The following P2RY6 variants were observed in gnomAD, a reference collection of about 807,000 sequenced individuals.
The protein encoded by P2RY6 is pyrimidinergic receptor P2Y6.
Under a neutral mutation model 16.3 loss-of-function variants are expected in P2RY6, and 19 were observed. The ratio of observed to expected loss-of-function variants is 1.16; its 90% CI spans 0.81 to 1.71. The LOEUF (loss-of-function observed/expected upper bound fraction) is 1.71, where lower values mean the gene tolerates loss of function less well. Among genes scored for constraint, P2RY6 ranks in the 40% most tolerant of loss-of-function variants. The pLI is 0.00. For missense variants in P2RY6, 389 were observed against 455.5 expected (o/e 0.85, Z 1.33); for synonymous variants, 184 against 201.5 (o/e 0.91, Z 0.74).
rs1006571197 is a variant in P2RY6, at chr11:73,298,485, C to G, written c.*980C>G. 6 of 167,050 alleles carry G rather than the reference C, an allele frequency of 3.6e-5. No homozygotes were observed. Among genetic ancestry groups the G allele is most frequent in the African/African-American group, 9.7e-5 (4 of 41,408 alleles). The allele number at this position is 167,050 out of a possible 1,614,324, so 10.3% of individuals were successfully genotyped here. A position where few individuals can be genotyped will look rare whatever the true frequency, so the allele number is the denominator to read the frequency against. On this transcript the variant is annotated 3_prime_UTR_variant, in exon 3 of 3. Coordinates refer to ENST00000540124, the MANE Select transcript of P2RY6 (RefSeq NM_001277204.2). The stretch of plus-strand genomic sequence containing the variant: ...GAAGCTTCTTAGAAGAGGCAGGGGG[C>G]GAAGTGCAGTGGCTCATGCCTGTAA...
chr11:73,280,815 A>G (rs1177949916), intron 1 of P2RY6, among the ~76,000 whole-genome samples: 1 of 152,156 alleles, frequency 6.6e-6, no homozygotes, highest in African/African-American at 2.4e-5. Flanking sequence ...CAGGAATGGG[A>G]GCTGAGAGTG....
intron 1 of P2RY6, among the ~76,000 whole-genome samples, chr11:73,272,762 G>A (rs896826409): frequency 2.6e-5 from 4 of 152,332 alleles, no homozygotes; most frequent in South Asian, 2.1e-4. Context: ...GTCAGGATTC[G>A]GAGCCACAAA....
intron 1 of P2RY6, among the ~76,000 whole-genome samples, chr11:73,274,398 CA>C (rs1863444175): frequency 6.6e-6 from 1 of 152,052 alleles, no homozygotes; most frequent in Non-Finnish European, 1.5e-5. Flanking sequence ...TGAGCAACTA[CA>C]ATGTGTCAAG....
chr11:73,290,384 A>G (rs1003378006), intron 1 of P2RY6, among the ~76,000 whole-genome samples: 2 of 152,114 alleles, frequency 1.3e-5, no homozygotes, highest in African/African-American at 2.4e-5. Flanking sequence ...AGAGAAAGAA[A>G]GAAGGGAAGG....
At chr11:73,290,303 A>AAAAGAAAGAAAGAAAG (rs563446982) in intron 1 of P2RY6, among the ~76,000 whole-genome samples, 114 of 113,108 alleles carry the variant, frequency 1.0e-3, no homozygotes, top group Admixed American at 1.2e-3. Flanking sequence ...AGAAAGAAAG[A>AAAAGAAAGAAAGAAAG]AAAGAAAGAA....
chr11:73,290,044 A>G (rs1025610042), intron 1 of P2RY6, among the ~76,000 whole-genome samples: 12 of 152,086 alleles, frequency 7.9e-5, no homozygotes, highest in African/African-American at 2.4e-4. Context: ...CAACATGGAG[A>G]AGCCCCATCT....
At chr11:73,287,354 CT>C (rs1432429261) in intron 1 of P2RY6, among the ~76,000 whole-genome samples, 1 of 152,254 alleles carries the variant, frequency 6.6e-6, no homozygotes, top group Non-Finnish European at 1.5e-5. Context: ...CTCCTCCACC[CT>C]GAGCCAGTTA....
chr11:73,283,231 T>A (rs1490509461), intron 1 of P2RY6, among the ~76,000 whole-genome samples: 1 of 152,050 alleles, frequency 6.6e-6, no homozygotes, highest in Non-Finnish European at 1.5e-5. Flanking sequence ...GGGGCAGTAA[T>A]CTGGGGAGCC....
chr11:73,289,800 T>G (rs970733413), intron 1 of P2RY6, among the ~76,000 whole-genome samples: 3 of 152,214 alleles, frequency 2.0e-5, no homozygotes, highest in South Asian at 2.1e-4. Flanking sequence ...CTGGCTGGGA[T>G]AGCTTGGAAA....
At chr11:73,265,328 A>G (rs535668297) in intron 1 of P2RY6, 16 of 152,392 alleles carry the variant, frequency 1.0e-4, no homozygotes, top group African/African-American at 3.4e-4. Flanking sequence ...ACATGCACAT[A>G]CAAGAGAAGC....
intron 1 of P2RY6, among the ~76,000 whole-genome samples, chr11:73,294,684 A>G (rs545693619): frequency 6.6e-6 from 1 of 152,378 alleles, no homozygotes; most frequent in Admixed American, 6.5e-5. Context: ...GGGATAAAAT[A>G]GCTCCACCAA....
At position 73,296,674 on chromosome 11, in the gene P2RY6, C is replaced by G; in HGVS notation, c.156C>G (p.Cys52Trp). ...ACATCTGTGTCATTACCCAGATCTG[C>G]ACGTCCCGCCGGGCCCTGACCCGCA... Reference protein sequence around the residue: ...PLNICVITQICTSRRALTRTA... With the variant: ...PLNICVITQIWTSRRALTRTA... The change falls in exon 3 of 3, where the codon TGC (cysteine) becomes TGG (tryptophan). Residue 52 changes from cysteine (C) to tryptophan (W), a missense_variant. By Grantham distance (215) the Cys-to-Trp change is radical (BLOSUM62 -2). Transcript: ENST00000540124. 1 of 1,614,176 alleles carries G rather than the reference C, an allele frequency of 6.2e-7. No individual in the cohort carries two copies. The highest frequency in any genetic ancestry group is 1.1e-5 in the South Asian group (1 of 91,088).
rs765808774 is a variant in P2RY6 at position 73,297,495 on chromosome 11, A to G, written c.977A>G (p.Gln326Arg). ...LQKLTAKWQR[Q>R]GR ...AAACTCACAGCCAAATGGCAGAGGC[A>G]GGGTCGCTGAGTCCTCCAGGTCCTG... The change falls in exon 3 of 3, where the codon CAG (glutamine) becomes CGG (arginine). Residue 326 changes from glutamine to arginine, a missense_variant. Physicochemically the swap from Gln to Arg is conservative, Grantham distance 43. Coordinates refer to ENST00000540124, the MANE Select transcript of P2RY6 (RefSeq NM_001277204.2). 1.1e-5 allele frequency: 18 copies of G among 1,605,946 alleles called. No individual in the cohort carries two copies. Among genetic ancestry groups the G allele is most frequent in the Middle Eastern group, 1.7e-4 (1 of 6,058 alleles).
intron 1 of P2RY6, among the ~76,000 whole-genome samples, chr11:73,286,306 G>A (rs1486124333): frequency 3.9e-5 from 6 of 152,290 alleles, no homozygotes; most frequent in South Asian, 4.1e-4. Flanking sequence ...TGCCTTTCAC[G>A]GGAGGGGAGG....
At chr11:73,277,917 T>G (rs1417050277) in intron 1 of P2RY6, among the ~76,000 whole-genome samples, 1 of 152,232 alleles carries the variant, frequency 6.6e-6, no homozygotes, top group African/African-American at 2.4e-5. Flanking sequence ...TGCAGAAATC[T>G]GAGTGGCCCT....
chr11:73,297,469 G>A lies in P2RY6; in HGVS notation c.951G>A (p.Gln317=), dbSNP rs1299147347. ...GCCGGCGACCACATGAGCTCCTACAGAAACTCACAGCCAAATGGCAGAGGC... is the reference window on the plus strand; with the variant it reads ...GCCGGCGACCACATGAGCTCCTACAAAAACTCACAGCCAAATGGCAGAGGC... ...KFRRRPHELL[Q]KLTAKWQRQG... Residue 317 remains glutamine (Q), a synonymous_variant, in exon 3 of 3, where the codon CAG becomes CAA. Coordinates refer to ENST00000540124, the MANE Select transcript of P2RY6 (RefSeq NM_001277204.2). 1 of 1,611,078 alleles carries A rather than the reference G, an allele frequency of 6.2e-7. No homozygotes were observed. The highest frequency in any genetic ancestry group is 8.5e-7 in the Non-Finnish European group (1 of 1,178,464).
chr11:73,296,723 G>T lies in P2RY6; in HGVS notation c.205G>T (p.Ala69Ser), dbSNP rs757043140. ...CACGGCCGTGTACACCCTAAACCTT[G>T]CTCTGGCTGACCTGCTATATGCCTG... The part of the protein sequence containing the change: ...TRTAVYTLNL[A>S]LADLLYACSL... The change falls in exon 3 of 3, where the codon GCT becomes TCT. Residue 69 changes from alanine (A) to serine (S), a missense_variant. Physicochemically the swap from Ala to Ser is moderately conservative, Grantham distance 99. Coordinates refer to ENST00000540124, the MANE Select transcript of P2RY6 (RefSeq NM_001277204.2). 6.2e-7 allele frequency: 1 copy of T among 1,613,916 alleles called. No homozygotes were observed. Among genetic ancestry groups the T allele is most frequent in the Non-Finnish European group, 8.5e-7 (1 of 1,180,036 alleles).
At chr11:73,287,709 G>C (rs1265464861) in intron 1 of P2RY6, among the ~76,000 whole-genome samples, 1 of 152,254 alleles carries the variant, frequency 6.6e-6, no homozygotes, top group African/African-American at 2.4e-5. Flanking sequence ...CTCAAAGGGA[G>C]AACCAAGTGG....
chr11:73,296,578 C>T lies in P2RY6; in HGVS notation c.60C>T (p.Tyr20=), dbSNP rs753780148. 3.7e-6 allele frequency: 6 copies of T among 1,614,218 alleles called. No individual in the cohort carries two copies. The highest frequency in any genetic ancestry group is 5.1e-6 in the Non-Finnish European group (6 of 1,180,034). The change falls in exon 3 of 3, where the codon TAC becomes TAT. Residue 20 remains tyrosine (Y), a synonymous_variant. Transcript: ENST00000540124. ...GCTTGCCACCCACCACCTGTGTCTA[C>T]CGCGAGAACTTCAAGCAACTGCTGC... ...ALGLPPTTCV[Y]RENFKQLLLP... is the part of the protein sequence containing the mutation.
Sources: gnomAD v4.1 joint callset for allele counts (sites outside exome capture counted in the v4.1 genomes callset) on GRCh38, gnomAD v4.1.1 for gene constraint, MANE v1.5 for transcripts, NCBI Gene and HGNC (gene_info 2026-07-23, HGNC 2026-07-21) for gene names.